The following ADAMTS3 variants were observed in gnomAD, a reference collection of about 807,000 sequenced individuals.
ADAMTS3 encodes ADAM metallopeptidase with thrombospondin type 1 motif 3, also known as A disintegrin and metalloproteinase with thrombospondin motifs 3.
In ADAMTS3, 73 loss-of-function variants were observed where a neutral mutation model predicts 129.0. The observed-to-expected ratio is 0.57, with a 90% CI of 0.47 to 0.69. ADAMTS3 has a LOEUF of 0.69. Among genes scored for constraint, ADAMTS3 ranks in the 30% least tolerant of loss-of-function variants. ADAMTS3 has a pLI of 0.00. For missense variants in ADAMTS3, 1,457 were observed against 1,514.5 expected, an observed-to-expected ratio of 0.96 and a Z score of 0.63; for synonymous variants, 477 against 510.8, an observed-to-expected ratio of 0.93 and a Z score of 0.89.
At chr4:72,393,602 T>C (rs1721656430) in intron 4 of ADAMTS3, among the ~76,000 whole-genome samples, 1 of 152,220 alleles carries the variant, frequency 6.6e-6, no homozygotes. Context: ...TAAATCTTGT[T>C]ACCTTCAAAC....
At chr4:72,522,985 TAG>T (rs1434393421) in intron 3 of ADAMTS3, among the ~76,000 whole-genome samples, 1 of 152,034 alleles carries the variant, frequency 6.6e-6, no homozygotes, top group African/African-American at 2.4e-5. Flanking sequence ...AAGAAAATAA[TAG>T]ACTTATTTTT....
At chr4:72,338,753 T>C (rs1720054238) in intron 5 of ADAMTS3, among the ~76,000 whole-genome samples, 1 of 152,074 alleles carries the variant, frequency 6.6e-6, no homozygotes, top group Non-Finnish European at 1.5e-5. Context: ...TGAGGTAACA[T>C]ATATAGAGTA....
At chr4:72,513,813 G>GTAAT (rs1460039122) in intron 3 of ADAMTS3, among the ~76,000 whole-genome samples, 1 of 151,988 alleles carries the variant, frequency 6.6e-6, no homozygotes, top group African/African-American at 2.4e-5. Context: ...TACCCAACAG[G>GTAAT]TAATTTTTAA....
At chr4:72,345,267 T>C (rs1311534133) in intron 4 of ADAMTS3, among the ~76,000 whole-genome samples, 2 of 152,124 alleles carry the variant, frequency 1.3e-5, no homozygotes, top group Non-Finnish European at 2.9e-5. Context: ...GGCTGGATTT[T>C]CCAAGAGTAG....
In ADAMTS3 at chr4:72,516,813, T is replaced by C. The variant is rs1267012450; in HGVS notation, c.504+31665A>G. On this transcript the variant is annotated intron_variant, in intron 3 of 21. Transcript: ENST00000286657. ...ACAATTTGACTTCCTCTTTTCCTAA[T>C]TGAATACCCTTTATTTCCTTCTCCT... 9.5e-4 allele frequency among the ~76,000 whole-genome samples: 144 copies of C among 152,136 alleles called. 2 individuals carry two copies. Among genetic ancestry groups the C allele is most frequent in the South Asian group, 1.7e-3 (8 of 4,818 alleles).
chr4:72,296,979 TG>T (rs1174613062), intron 18 of ADAMTS3, among the ~76,000 whole-genome samples: 3 of 152,148 alleles, frequency 2.0e-5, no homozygotes, highest in Non-Finnish European at 4.4e-5. Flanking sequence ...CCTGTTTAAC[TG>T]TGTTCTAATG....
chr4:72,302,021 A>T (rs1404201519), intron 17 of ADAMTS3, among the ~76,000 whole-genome samples: 1 of 152,098 alleles, frequency 6.6e-6, no homozygotes, highest in Non-Finnish European at 1.5e-5. Flanking sequence ...GCACCATGAA[A>T]GGCCACACCA....
intron 3 of ADAMTS3, among the ~76,000 whole-genome samples, chr4:72,445,741 G>T (rs1480902814): frequency 2.6e-5 from 4 of 151,668 alleles, no homozygotes; most frequent in Non-Finnish European, 5.9e-5. Context: ...ACCAAGTGCT[G>T]TCACCTTAAT....
intron 3 of ADAMTS3, among the ~76,000 whole-genome samples, chr4:72,479,257 C>T (rs915291987): frequency 3.3e-5 from 5 of 152,142 alleles, no homozygotes; most frequent in Admixed American, 3.3e-4. Context: ...GCCAAAAGAA[C>T]AAAGCTGGAG....
chr4:72,477,977 C>A (rs1421958962), intron 3 of ADAMTS3, among the ~76,000 whole-genome samples: 1 of 152,054 alleles, frequency 6.6e-6, no homozygotes, highest in Non-Finnish European at 1.5e-5. Context: ...ATACACCCTC[C>A]CAAGACTAAA....
At chr4:72,539,591 T>C (rs1322896022) in intron 3 of ADAMTS3, among the ~76,000 whole-genome samples, 1 of 151,290 alleles carries the variant, frequency 6.6e-6, no homozygotes, top group Non-Finnish European at 1.5e-5. Flanking sequence ...TAAAATGGTA[T>C]AGCTACTTAT....
intron 4 of ADAMTS3, among the ~76,000 whole-genome samples, chr4:72,388,175 G>A (rs562507469): frequency 1.4e-4 from 21 of 152,244 alleles, no homozygotes; most frequent in East Asian, 1.2e-3. Flanking sequence ...AGACACAACC[G>A]CAAGGCTTGG....
At chr4:72,329,194 A>G (rs1343815658) in intron 5 of ADAMTS3, among the ~76,000 whole-genome samples, 1 of 152,216 alleles carries the variant, frequency 6.6e-6, no homozygotes, top group Non-Finnish European at 1.5e-5. Context: ...AAAAAAATGA[A>G]TGCAAAAAGA....
At chr4:72,507,710 AT>A (rs1488994874) in intron 3 of ADAMTS3, among the ~76,000 whole-genome samples, 4 of 152,176 alleles carry the variant, frequency 2.6e-5, no homozygotes, top group Non-Finnish European at 2.9e-5. Flanking sequence ...TTAAAGCACT[AT>A]AAAAATCCCA....
At chr4:72,378,197 C>A (rs1721183265) in intron 4 of ADAMTS3, among the ~76,000 whole-genome samples, 1 of 152,144 alleles carries the variant, frequency 6.6e-6, no homozygotes, top group Admixed American at 6.6e-5. Flanking sequence ...GTGCTCCTTG[C>A]ATCTACCTTA....
At position 72,432,369 on chromosome 4, in the gene ADAMTS3, A is replaced by T. The variant is rs114538203; in HGVS notation, c.505-17398T>A. Among the ~76,000 whole-genome samples, 230 of 151,792 alleles carry T rather than the reference A, an allele frequency of 1.5e-3. 1 individual carries two copies. Among genetic ancestry groups the T allele is most frequent in the African/African-American group, 5.1e-3 (213 of 41,444 alleles). ...CAGTACCGGTATCTGCTCCCCTCCG[A>T]CTGCTCTTCCACATACCTAGCTCTA... On this transcript the variant is annotated intron_variant, in intron 3 of 21. Transcript: ENST00000286657.
At chr4:72,549,135 C>T (rs1387779190) in intron 2 of ADAMTS3, among the ~76,000 whole-genome samples, 3 of 152,040 alleles carry the variant, frequency 2.0e-5, no homozygotes, top group Non-Finnish European at 2.9e-5. Flanking sequence ...ATATTTACAT[C>T]TCATTAATAC....
At chr4:72,508,441 T>G (rs188819211) in intron 3 of ADAMTS3, among the ~76,000 whole-genome samples, 1 of 152,256 alleles carries the variant, frequency 6.6e-6, no homozygotes, top group East Asian at 1.9e-4. Flanking sequence ...TGGTCATATT[T>G]TACATTAGGA....
intron 18 of ADAMTS3, among the ~76,000 whole-genome samples, chr4:72,296,456 G>C (rs1718811027): frequency 6.6e-6 from 1 of 151,918 alleles, no homozygotes; most frequent in Non-Finnish European, 1.5e-5. Flanking sequence ...TTTTATATTT[G>C]TAATTATGTA....
Sources: allele counts gnomAD v4.1 joint callset (sites outside exome capture counted in the v4.1 genomes callset), GRCh38; gene constraint gnomAD v4.1.1; transcripts MANE v1.5; gene names NCBI Gene and HGNC (gene_info 2026-07-23, HGNC 2026-07-21).